The following ZNRF1 variants were observed in gnomAD, a reference collection of about 807,000 sequenced individuals.
ZNRF1 encodes the protein E3 ubiquitin-protein ligase ZNRF1.
Under a neutral mutation model 18.4 loss-of-function variants are expected in ZNRF1, and 3 were observed. The observed-to-expected ratio is 0.16, with a 90% confidence interval of 0.07 to 0.42. The LOEUF is 0.42. Ranked by LOEUF, ZNRF1 falls within the 10% of genes least tolerant of loss-of-function variation. ZNRF1 has a pLI of 0.99. For synonymous variants in ZNRF1, 157 were observed against 144.2 expected, an observed-to-expected ratio of 1.09 and a Z score of -0.64; for missense variants, 310 against 329.8, an observed-to-expected ratio of 0.94 and a Z score of 0.47.
intron 1 of ZNRF1, among the ~76,000 whole-genome samples, chr16:75,078,938 T>C (rs1294537349): frequency 6.6e-6 from 1 of 152,204 alleles, no homozygotes; most frequent in Non-Finnish European, 1.5e-5. Context: ...GGAACTGTTA[T>C]TATGAATCAA....
chr16:75,019,699 T>C (rs1408488072), intron 1 of ZNRF1, among the ~76,000 whole-genome samples: 8 of 152,224 alleles, frequency 5.3e-5, no homozygotes, highest in African/African-American at 1.9e-4. Flanking sequence ...TTACCAACTT[T>C]TGATTTTTGT....
chr16:75,099,400 C>T (rs995037528), intron 2 of ZNRF1, among the ~76,000 whole-genome samples: 1 of 152,186 alleles, frequency 6.6e-6, no homozygotes, highest in Non-Finnish European at 1.5e-5. Flanking sequence ...CACCCCCAGC[C>T]CATCACAGGC....
intron 1 of ZNRF1, among the ~76,000 whole-genome samples, chr16:75,044,139 G>C (rs1447185951): frequency 6.6e-6 from 1 of 151,946 alleles, no homozygotes; most frequent in African/African-American, 2.4e-5. Flanking sequence ...ATGTGATCTT[G>C]ACTTTCAGAA....
At chr16:75,106,620 C>A in intron 4 of ZNRF1, 49 bp downstream of exon 4, 1 of 1,537,718 alleles carries the variant, frequency 6.5e-7, no homozygotes, top group South Asian at 1.1e-5. Flanking sequence ...GGGGTCAGGT[C>A]ACTTTGGGGG....
In ZNRF1 at chr16:75,108,829, C is replaced by G; in HGVS notation, c.*1129C>G. ...TCCTTCAGGCTGCTACTCGGGGCTC[C>G]AGGTGTGTGAATTGGTCCTCAGATA... On this transcript the variant is annotated 3_prime_UTR_variant, in exon 5 of 5. Transcript: ENST00000335325. 1 of 338,844 alleles carries G rather than the reference C, an allele frequency of 3.0e-6. No individual in the cohort carries two copies. Among genetic ancestry groups the G allele is most frequent in the Admixed American group, 4.8e-5 (1 of 20,778 alleles). The allele number at this position is 338,844 out of a possible 1,614,324, so 21.0% of individuals were successfully genotyped here.
At chr16:75,047,524 TAG>T (rs770864037) in intron 1 of ZNRF1, among the ~76,000 whole-genome samples, 37 of 152,374 alleles carry the variant, frequency 2.4e-4, no homozygotes, top group Admixed American at 5.9e-4. Flanking sequence ...TGGTTAGAAA[TAG>T]AGTCACAATG....
intron 1 of ZNRF1, among the ~76,000 whole-genome samples, chr16:75,051,159 C>T (rs1471263150): frequency 6.6e-6 from 1 of 152,046 alleles, no homozygotes; most frequent in Non-Finnish European, 1.5e-5. Context: ...TATGATTGCA[C>T]TGTACGGGTG....
At chr16:75,105,547 C>T (rs2036305701) in intron 3 of ZNRF1, 1 of 152,610 alleles carries the variant, frequency 6.6e-6, no homozygotes, top group Admixed American at 6.5e-5. Flanking sequence ...GACACTCAGG[C>T]CTTTCAAAGC....
At chr16:75,050,032 C>T (rs1453739844) in intron 1 of ZNRF1, among the ~76,000 whole-genome samples, 1 of 152,164 alleles carries the variant, frequency 6.6e-6, no homozygotes, top group Admixed American at 6.5e-5. Context: ...CTAGTCTCTT[C>T]TCCAGCTCTA....
intron 1 of ZNRF1, among the ~76,000 whole-genome samples, chr16:75,067,842 A>G (rs1345775492): frequency 6.6e-6 from 1 of 152,174 alleles, no homozygotes; most frequent in Non-Finnish European, 1.5e-5. Flanking sequence ...GAATGGTAAC[A>G]CCACAAAATT....
In ZNRF1 at chr16:75,108,223, G is replaced by T; in HGVS notation, c.*523G>T. The T allele has an allele frequency of 5.3e-6, 1 of 187,718 alleles. No individual in the cohort carries two copies. Among genetic ancestry groups the T allele is most frequent in the Non-Finnish European group, 1.1e-5 (1 of 91,070 alleles). The allele number at this position is 187,718 out of a possible 1,614,324, so 11.6% of individuals were successfully genotyped here. ...CAACTTCTCTACTTTGGGTTTGTTTGGTTTTTTCCCTCTATTTTTCTGGCT... is the reference window on the plus strand; with the variant it reads ...CAACTTCTCTACTTTGGGTTTGTTTTGTTTTTTCCCTCTATTTTTCTGGCT... On this transcript the variant is annotated 3_prime_UTR_variant, in exon 5 of 5. Coordinates refer to ENST00000335325, the MANE Select transcript of ZNRF1 (RefSeq NM_032268.5).
intron 1 of ZNRF1, among the ~76,000 whole-genome samples, chr16:75,040,875 A>G (rs1270297077): frequency 4.0e-5 from 6 of 151,760 alleles, no homozygotes; most frequent in Admixed American, 1.3e-4. Context: ...TCCAAAGTGC[A>G]GGGATTACAG....
chr16:75,062,465 G>C (rs983016884), intron 1 of ZNRF1, among the ~76,000 whole-genome samples: 10 of 152,256 alleles, frequency 6.6e-5, no homozygotes, highest in Non-Finnish European at 1.3e-4. Flanking sequence ...AAAGAGCTAA[G>C]TCAAAGAGAG....
At position 75,023,395 on chromosome 16, in the gene ZNRF1, C is replaced by G. The variant is rs529712122; in HGVS notation, c.424+23300C>G. Among the ~76,000 whole-genome samples the G allele has an allele frequency of 5.9e-5, 9 of 152,270 alleles. No homozygotes were observed. In the East Asian group the frequency reaches 1.7e-3, roughly 29 times the overall value. On this transcript the variant is annotated intron_variant, in intron 1 of 4. Transcript: ENST00000335325. ...CCAGATACACCAAGGTTAAGAAAGT[C>G]ACACCAGGCCGGACGCAGTGGCTCA... is the stretch of plus-strand genomic sequence containing the variant.
chr16:75,016,162 C>T (rs148246831), intron 1 of ZNRF1, among the ~76,000 whole-genome samples: 3,266 of 151,770 alleles, frequency 0.022, 55 homozygotes, highest in South Asian at 0.035. Flanking sequence ...CCTCGTGACC[C>T]GTCCACCGCC....
chr16:75,060,624 A>G (rs1049055690), intron 1 of ZNRF1, among the ~76,000 whole-genome samples: 2 of 151,612 alleles, frequency 1.3e-5, no homozygotes, highest in South Asian at 2.1e-4. Context: ...TTACAGGCAC[A>G]CACCACCCTG....
At chr16:75,074,514 A>G (rs2035914546) in intron 1 of ZNRF1, among the ~76,000 whole-genome samples, 1 of 152,182 alleles carries the variant, frequency 6.6e-6, no homozygotes, top group Non-Finnish European at 1.5e-5. Flanking sequence ...TGGTGCAGGG[A>G]GAGTGAGTTG....
chr16:75,050,593 G>A (rs1467808727), intron 1 of ZNRF1, among the ~76,000 whole-genome samples: 1 of 151,634 alleles, frequency 6.6e-6, no homozygotes, highest in Non-Finnish European at 1.5e-5. Context: ...TAGCCGCCGG[G>A]CACGGTGGCT....
At chr16:75,095,291 A>G (rs9923269) in intron 2 of ZNRF1, 170,164 of 194,006 alleles carry the variant, frequency 0.88, 75,285 homozygotes, top group Non-Finnish European at 0.93. Context: ...CCAGGGGACA[A>G]CGCCTCCTTT....
Sources: allele counts gnomAD v4.1 joint callset (sites outside exome capture counted in the v4.1 genomes callset), GRCh38; gene constraint gnomAD v4.1.1; transcripts MANE v1.5; gene names NCBI Gene and HGNC (gene_info 2026-07-23, HGNC 2026-07-21).